HTR1F: variants seen among roughly 807,000 people sequenced by gnomAD.
The protein encoded by HTR1F is 5-hydroxytryptamine (serotonin) receptor 1F, G protein-coupled.
A neutral mutation model predicts 24.0 loss-of-function variants in HTR1F; 17 were observed. The observed-to-expected ratio is 0.71, with a 90% CI of 0.48 to 1.06. The LOEUF (loss-of-function observed/expected upper bound fraction) is 1.06, where lower values mean the gene tolerates loss of function less well. Among genes scored for constraint, HTR1F ranks in the 50% least tolerant of loss-of-function variants. The probability of loss-of-function intolerance (pLI) is 0.00; values close to 1 mark genes in which losing one functional copy is unlikely to be tolerated. For synonymous variants in HTR1F, 186 were observed against 156.8 expected (o/e 1.19, Z -1.39); for missense variants, 391 against 427.8 (o/e 0.91, Z 0.76).
At chr3:87,807,881 A>G (rs1704098857) in intron 1 of HTR1F, among the ~76,000 whole-genome samples, 1 of 151,914 alleles carries the variant, frequency 6.6e-6, no homozygotes, top group Non-Finnish European at 1.5e-5. Flanking sequence ...AGATCATCAT[A>G]TGGTTTTTGT....
chr3:87,921,706 C>G (rs1329625446), intron 2 of HTR1F, among the ~76,000 whole-genome samples: 1 of 151,842 alleles, frequency 6.6e-6, no homozygotes, highest in Non-Finnish European at 1.5e-5. Flanking sequence ...TGTTAACCAA[C>G]ATCTCCTTAT....
Position 87,916,328 on chromosome 3 carries a change from A to C in HTR1F, c.-42-74380A>C, listed in dbSNP as rs1240471202. On this transcript the variant is annotated intron_variant, in intron 2 of 2. Coordinates refer to ENST00000319595, the MANE Select transcript of HTR1F (RefSeq NM_001322209.2). ...AAAAAAGAAAAAAAAAAAAAAAAAA[A>C]CAAGGTACACAGGCAACAAATAGCA... Among the ~76,000 whole-genome samples the C allele has an allele frequency of 8.8e-4, 127 of 144,064 alleles. 3 individuals are homozygous for C. Among genetic ancestry groups the C allele is most frequent in the African/African-American group, 3.2e-3 (123 of 38,168 alleles). 94.5% of individuals were successfully genotyped at this position (144,064 alleles called of 152,430 possible).
chr3:87,972,206 TA>T (rs1479814447), intron 2 of HTR1F, among the ~76,000 whole-genome samples: 1 of 152,250 alleles, frequency 6.6e-6, no homozygotes, highest in African/African-American at 2.4e-5. Flanking sequence ...AAATGGTGGT[TA>T]AATTTGTAAT....
chr3:87,916,445 A>G (rs931052702), intron 2 of HTR1F, among the ~76,000 whole-genome samples: 10 of 152,100 alleles, frequency 6.6e-5, no homozygotes, highest in Non-Finnish European at 1.3e-4. Context: ...TTCAGAATGG[A>G]TAAGAACTCA....
chr3:87,970,625 G>C (rs2107495292), intron 2 of HTR1F, among the ~76,000 whole-genome samples: 1 of 152,274 alleles, frequency 6.6e-6, no homozygotes, highest in East Asian at 1.9e-4. Flanking sequence ...TGATCAATTG[G>C]AAAAGATAAG....
chr3:87,960,325 G>T (rs914043415), intron 2 of HTR1F, among the ~76,000 whole-genome samples: 12 of 151,964 alleles, frequency 7.9e-5, no homozygotes, highest in African/African-American at 2.7e-4. Context: ...AGTGGTCATT[G>T]TAAGTATCAG....
intron 1 of HTR1F, among the ~76,000 whole-genome samples, chr3:87,806,602 G>C (rs1248867344): frequency 6.6e-6 from 1 of 151,986 alleles, no homozygotes; most frequent in Non-Finnish European, 1.5e-5. Flanking sequence ...CTATTCAACA[G>C]GTTGTCTCTT....
intron 2 of HTR1F, among the ~76,000 whole-genome samples, chr3:87,841,869 C>T (rs1704812701): frequency 7.2e-6 from 1 of 139,066 alleles, no homozygotes; most frequent in African/African-American, 2.8e-5. Context: ...CACTCCACTC[C>T]TGCCTGGGCA....
At chr3:87,939,863 T>C (rs1487283093) in intron 2 of HTR1F, among the ~76,000 whole-genome samples, 1 of 152,198 alleles carries the variant, frequency 6.6e-6, no homozygotes, top group Non-Finnish European at 1.5e-5. Flanking sequence ...CTCTATCTCC[T>C]TCAGTTCTTC....
chr3:87,806,709 ATC>A (rs1045784211), intron 1 of HTR1F, among the ~76,000 whole-genome samples: 5 of 151,950 alleles, frequency 3.3e-5, no homozygotes, highest in African/African-American at 4.8e-5. Context: ...CTCAGCCATA[ATC>A]TTTTCCTAAA....
At chr3:87,918,433 T>A (rs1209740684) in intron 2 of HTR1F, among the ~76,000 whole-genome samples, 1 of 152,074 alleles carries the variant, frequency 6.6e-6, no homozygotes, top group Non-Finnish European at 1.5e-5. Context: ...GAAGTCAAAC[T>A]GTTGCTGTTT....
rs572326990 is a variant in HTR1F at position 87,973,379 on chromosome 3, C to A, written c.-42-17329C>A. On this transcript the variant is annotated intron_variant, in intron 2 of 2. Coordinates refer to ENST00000319595, the MANE Select transcript of HTR1F (RefSeq NM_001322209.2). ...TATTATAACTTTGCAAATTCTATTTCTTCTCTCAAAAATGCTCTCTCTGCA... is the reference window on the plus strand; with the variant it reads ...TATTATAACTTTGCAAATTCTATTTATTCTCTCAAAAATGCTCTCTCTGCA... Among the ~76,000 whole-genome samples the A allele has an allele frequency of 5.3e-5, 8 of 152,212 alleles. No individual in the cohort carries two copies. The South Asian group carries it at 1.7e-3, about 32-fold the overall frequency.
chr3:87,988,314 A>G (rs559329236), intron 2 of HTR1F, among the ~76,000 whole-genome samples: 45 of 152,078 alleles, frequency 3.0e-4, no homozygotes, highest in Middle Eastern at 3.4e-3. Context: ...TTGACATAAA[A>G]AAAAAAAACA....
intron 2 of HTR1F, among the ~76,000 whole-genome samples, chr3:87,887,656 G>A (rs9832462): frequency 0.07 from 10,722 of 152,180 alleles, 1,206 homozygotes; most frequent in African/African-American, 0.24. Flanking sequence ...CAAAAAGTGG[G>A]CAATGGATAT....
chr3:87,911,899 G>A (rs1266585149), intron 2 of HTR1F, among the ~76,000 whole-genome samples: 7 of 152,050 alleles, frequency 4.6e-5, no homozygotes, highest in Non-Finnish European at 8.8e-5. Flanking sequence ...AATAAACTGG[G>A]TATCGAAGAA....
At chr3:87,915,105 A>G (rs1216086486) in intron 2 of HTR1F, among the ~76,000 whole-genome samples, 1 of 152,112 alleles carries the variant, frequency 6.6e-6, no homozygotes, top group Non-Finnish European at 1.5e-5. Flanking sequence ...AGAGACAACA[A>G]TCACTGCAGC....
chr3:87,969,860 A>G (rs1705249372), intron 2 of HTR1F, among the ~76,000 whole-genome samples: 1 of 152,176 alleles, frequency 6.6e-6, no homozygotes, highest in South Asian at 2.1e-4. Flanking sequence ...GAGGGAGGTA[A>G]TTGAATCATG....
intron 2 of HTR1F, among the ~76,000 whole-genome samples, chr3:87,977,455 G>C (rs957498292): frequency 5.9e-5 from 8 of 136,566 alleles, no homozygotes; most frequent in Non-Finnish European, 1.2e-4. Context: ...CTGGAGTGCA[G>C]TGGCTTGATC....
intron 2 of HTR1F, among the ~76,000 whole-genome samples, chr3:87,884,847 G>T (rs1428234846): frequency 6.6e-6 from 1 of 152,048 alleles, no homozygotes; most frequent in Non-Finnish European, 1.5e-5. Context: ...GGTTCATAAA[G>T]AAGTCCTTAG....
Sources: allele counts gnomAD v4.1 joint callset (sites outside exome capture counted in the v4.1 genomes callset), GRCh38; gene constraint gnomAD v4.1.1; transcripts MANE v1.5; gene names NCBI Gene and HGNC (gene_info 2026-07-23, HGNC 2026-07-21).